NRIP2: variants seen among roughly 807,000 people sequenced by gnomAD.
NRIP2 encodes the protein nuclear receptor interacting protein 2.
NRIP2 carries 27 observed loss-of-function variants against 34.1 expected under a neutral mutation model. The ratio of observed to expected loss-of-function variants is 0.79; its 90% CI spans 0.58 to 1.09. The LOEUF is 1.09. Among genes scored for constraint, NRIP2 ranks in the 50% least tolerant of loss-of-function variants. NRIP2 has a pLI of 0.00. For missense variants in NRIP2, 385 were observed against 352.6 expected, an observed-to-expected ratio of 1.09 and a Z score of -0.74; for synonymous variants, 145 against 146.9, an observed-to-expected ratio of 0.99 and a Z score of 0.09.
chr12:2,832,711 T>A (rs1018445186), intron 1 of NRIP2, among the ~76,000 whole-genome samples: 1 of 149,852 alleles, frequency 6.7e-6, no homozygotes, highest in African/African-American at 2.5e-5. Flanking sequence ...TGAGTCTACC[T>A]CACTCATTTT....
chr12:2,834,574 C>A, intron 1 of NRIP2, 68 bp downstream of exon 1: 1 of 1,515,820 alleles, frequency 6.6e-7, no homozygotes, highest in East Asian at 2.3e-5. Flanking sequence ...GTCCTGCCTC[C>A]TGCTCAGGAT....
intron 2 of NRIP2, chr12:2,830,454 AC>A: frequency 2.5e-5 from 10 of 406,632 alleles, no homozygotes; most frequent in South Asian, 9.8e-5. Flanking sequence ...AGGAGTACTT[AC>A]TTAATTTAAG....
Position 2,828,358 on chromosome 12 carries a change from G to T in NRIP2, c.552C>A (p.Ile184=), listed in dbSNP as rs755802268. 6.2e-6 allele frequency: 10 copies of T among 1,614,056 alleles called. No homozygotes were observed. In the South Asian group the frequency reaches 1.1e-4, roughly 18 times the overall value. Residue 184 remains isoleucine (I), a synonymous_variant, in exon 3 of 6, where the codon ATC becomes ATA. Coordinates refer to ENST00000337508, the MANE Select transcript of NRIP2 (RefSeq NM_031474.3). ...CCAGGCGGCTGAGACATCCAGCAGA[G>T]ATCCGATTGTATTGGGTGCCTGTGT... ...AVDTGTQYNR[I]SAGCLSRLGL... is the part of the protein sequence containing the mutation.
intron 2 of NRIP2, chr12:2,830,500 ATGG>A: frequency 1.9e-6 from 1 of 517,524 alleles, no homozygotes; most frequent in East Asian, 3.3e-5. Flanking sequence ...GGGCAGAGTA[ATGG>A]TGGTGACAGA....
In NRIP2 at chr12:2,826,797, T is replaced by TAGATCTCGGTGGTC; in HGVS notation, c.*409_*410insGACCACCGAGATCT. On this transcript the variant is annotated 3_prime_UTR_variant, in exon 6 of 6. Coordinates refer to ENST00000337508, the MANE Select transcript of NRIP2 (RefSeq NM_031474.3). ...GGGAGATAATGAGGCCCAGAAGGTGTGGTGAGAGACATGGTGGTGTGGGAA... is the reference window on the plus strand; with the variant it reads ...GGGAGATAATGAGGCCCAGAAGGTGTAGATCTCGGTGGTCGGTGAGAGACATGGTGGTGTGGGAA... 4.2e-6 allele frequency: 1 copy of TAGATCTCGGTGGTC among 237,182 alleles called. No individual in the cohort carries two copies. Among genetic ancestry groups the TAGATCTCGGTGGTC allele is most frequent in the Non-Finnish European group, 8.0e-6 (1 of 124,376 alleles). 14.7% of individuals were successfully genotyped at this position (237,182 alleles called of 1,614,324 possible). A position where few individuals can be genotyped will look rare whatever the true frequency, so the allele number is the denominator to read the frequency against.
intron 3 of NRIP2, 102 bp from the exon 4 acceptor site, chr12:2,828,149 C>T: frequency 1.6e-6 from 2 of 1,259,058 alleles, no homozygotes; most frequent in South Asian, 1.3e-5. Context: ...TCTCCAACCC[C>T]TGACCTCACG....
At chr12:2,833,556 G>T (rs1289050794) in intron 1 of NRIP2, among the ~76,000 whole-genome samples, 1 of 152,016 alleles carries the variant, frequency 6.6e-6, no homozygotes, top group East Asian at 1.9e-4. Flanking sequence ...TGGAGCACAG[G>T]CCTGCAGACA....
At position 2,827,497 on chromosome 12, in the gene NRIP2, C is replaced by G. The variant is rs1336402387; in HGVS notation, c.753+128G>C. The G allele has an allele frequency of 6.4e-7, 1 of 1,557,518 alleles. No homozygotes were observed. Among genetic ancestry groups the G allele is most frequent in the Middle Eastern group, 1.9e-4 (1 of 5,194 alleles). On this transcript the variant is annotated intron_variant, in intron 5 of 5. Coordinates refer to ENST00000337508, the MANE Select transcript of NRIP2 (RefSeq NM_031474.3). This position sits in a 1 kb window ranked among gnomAD's most constrained non-coding sequence, Gnocchi z 4.0. The stretch of plus-strand genomic sequence containing the variant: ...TCACTTGGTGGTAAGTAAGGAACCT[C>G]TAAGGAAGCAAAGGGACAGTTGCCC...
chr12:2,828,305 ACTTG>A (rs755595553), intron 3 of NRIP2, 23 bp downstream of exon 3: 23 of 1,600,624 alleles, frequency 1.4e-5, no homozygotes, highest in African/African-American at 2.7e-5. Context: ...CCTGTCCCCC[ACTTG>A]CTTGTTTGGG....
Position 2,825,850 on chromosome 12 carries a change from T to C in NRIP2, c.*1357A>G, listed in dbSNP as rs959576559. ...CGAACTTGGCTCACTACAACCCCCA[T>C]CTCCCAGGTTCAAGCAACTCCTATG... On this transcript the variant is annotated 3_prime_UTR_variant, in exon 6 of 6. Coordinates refer to ENST00000337508, the MANE Select transcript of NRIP2 (RefSeq NM_031474.3). The C allele has an allele frequency of 1.3e-5, 2 of 152,096 alleles. No individual in the cohort carries two copies. The highest frequency in any genetic ancestry group is 2.9e-5 in the Non-Finnish European group (2 of 68,028). 9.4% of individuals were successfully genotyped at this position (152,096 alleles called of 1,614,324 possible). A position where few individuals can be genotyped will look rare whatever the true frequency, so the allele number is the denominator to read the frequency against.
At chr12:2,828,189 G>T in intron 3 of NRIP2, 142 bp from the exon 4 acceptor site, 1 of 1,139,048 alleles carries the variant, frequency 8.8e-7, no homozygotes. Context: ...TTCTCTGCCA[G>T]AGTCTTCTAG....
chr12:2,827,874 C>G lies in NRIP2; in HGVS notation c.700+52G>C. The G allele has an allele frequency of 6.2e-7, 1 of 1,612,364 alleles. No individual in the cohort carries two copies. Among genetic ancestry groups the G allele is most frequent in the African/African-American group, 1.3e-5 (1 of 75,022 alleles). Reference sequence around the variant, plus strand: ...GAAAGTCTCAGCCTTTGCCCCACCCCAAAGAGAAAGGTGAGGTGAGCACCA... The same window carrying G: ...GAAAGTCTCAGCCTTTGCCCCACCCGAAAGAGAAAGGTGAGGTGAGCACCA... On this transcript the variant is annotated intron_variant, in intron 4 of 5. Coordinates refer to ENST00000337508, the MANE Select transcript of NRIP2 (RefSeq NM_031474.3). This position sits in a 1 kb window ranked among gnomAD's most constrained non-coding sequence, Gnocchi z 4.0.
rs528166535 is a variant in NRIP2 at position 2,833,824 on chromosome 12, T to G, written c.342+818A>C. Among the ~76,000 whole-genome samples the G allele has an allele frequency of 8.5e-5, 13 of 152,302 alleles. 1 individual carries two copies. In the South Asian group the frequency reaches 2.7e-3, roughly 32 times the overall value. On this transcript the variant is annotated intron_variant, in intron 1 of 5. Transcript: ENST00000337508. ...TCTAACAACTCTCCCAACAATCCTA[T>G]GATTGATTTGATTCTCATTTAACAG...
Position 2,827,179 on chromosome 12 carries a change from T to A in NRIP2, c.*28A>T. On this transcript the variant is annotated 3_prime_UTR_variant, in exon 6 of 6. Coordinates refer to ENST00000337508, the MANE Select transcript of NRIP2 (RefSeq NM_031474.3). This position sits in a 1 kb window ranked among gnomAD's most constrained non-coding sequence, Gnocchi z 4.0. ...GCCTCTTCTTCTAAGGCAAGGTCTTTCCCTCTGGGGACTGACTGAGACAGC... is the reference window on the plus strand; with the variant it reads ...GCCTCTTCTTCTAAGGCAAGGTCTTACCCTCTGGGGACTGACTGAGACAGC... The A allele has an allele frequency of 6.2e-7, 1 of 1,613,878 alleles. No homozygotes were observed. Among genetic ancestry groups the A allele is most frequent in the South Asian group, 1.1e-5 (1 of 91,064 alleles).
intron 2 of NRIP2, among the ~76,000 whole-genome samples, chr12:2,829,027 C>G (rs527270495): frequency 4.0e-5 from 6 of 151,856 alleles, no homozygotes; most frequent in Admixed American, 3.9e-4. Flanking sequence ...TAGCAAGACT[C>G]TGTCTCTACA....
At chr12:2,828,249 C>A in intron 3 of NRIP2, 83 bp downstream of exon 3, 1 of 1,277,216 alleles carries the variant, frequency 7.8e-7, no homozygotes, top group South Asian at 1.2e-5. Context: ...ATGCAACTGT[C>A]GTCACTATCT....
intron 3 of NRIP2, 44 bp from the exon 4 acceptor site, chr12:2,828,091 G>A (rs1488849361): frequency 7.1e-6 from 11 of 1,547,106 alleles, no homozygotes; most frequent in African/African-American, 1.4e-5. Flanking sequence ...AGCCCCTAGA[G>A]GGTTCCACCC....
intron 1 of NRIP2, 49 bp from the exon 2 acceptor site, chr12:2,830,909 TC>T: frequency 6.3e-7 from 1 of 1,583,004 alleles, no homozygotes; most frequent in Non-Finnish European, 8.6e-7. Flanking sequence ...AACCCAGGCA[TC>T]CAGGCTGCTC....
At chr12:2,828,310 C>T in intron 3 of NRIP2, 22 bp downstream of exon 3, 1 of 1,608,936 alleles carries the variant, frequency 6.2e-7, no homozygotes, top group South Asian at 1.1e-5. Flanking sequence ...CCCCCACTTG[C>T]TTGTTTGGGC....
Sources: allele counts gnomAD v4.1 joint callset (sites outside exome capture counted in the v4.1 genomes callset), GRCh38; gene constraint gnomAD v4.1.1; non-coding constraint Gnocchi (gnomAD v3.1); transcripts MANE v1.5; gene names NCBI Gene and HGNC (gene_info 2026-07-23, HGNC 2026-07-21).